The following OGFOD3 variants were observed in gnomAD, a reference collection of about 807,000 sequenced individuals.
The protein encoded by OGFOD3 is 2-oxoglutarate and iron dependent oxygenase domain containing 3.
A neutral mutation model predicts 39.8 loss-of-function variants in OGFOD3; 35 were observed. The ratio of observed to expected loss-of-function variants is 0.88; its 90% CI spans 0.67 to 1.17. The LOEUF (loss-of-function observed/expected upper bound fraction) is 1.17, where lower values mean the gene tolerates loss of function less well. Ranked by LOEUF, OGFOD3 falls within the 50% of genes most tolerant of loss-of-function variation. The pLI, the probability that OGFOD3 is intolerant of heterozygous loss-of-function variation, is 0.00. For synonymous variants in OGFOD3, 200 were observed against 192.0 expected (o/e 1.04, Z -0.34); for missense variants, 438 against 454.5 (o/e 0.96, Z 0.33).
rs1026816312 is a variant in OGFOD3 at position 82,415,999 on chromosome 17, C to T, written c.75-372G>A. 7.3e-5 allele frequency among the ~76,000 whole-genome samples: 11 copies of T among 151,636 alleles called. No homozygotes were observed. The highest frequency in any genetic ancestry group is 1.9e-4 in the African/African-American group (8 of 41,220). On this transcript the variant is annotated intron_variant, in intron 1 of 8. Coordinates refer to ENST00000313056, the MANE Select transcript of OGFOD3 (RefSeq NM_024648.3). This position sits in a 1 kb window ranked among gnomAD's most constrained non-coding sequence, Gnocchi z 5.3. Reference sequence around the variant, plus strand: ...ATCCCAGCACCTGGGGAGGCCAAGGCGGGCAGATCACCTGAGGTCAGGGTA... The same window carrying T: ...ATCCCAGCACCTGGGGAGGCCAAGGTGGGCAGATCACCTGAGGTCAGGGTA...
At chr17:82,409,553 A>T in intron 3 of OGFOD3, 143 bp from the exon 4 acceptor site, 1 of 747,568 alleles carries the variant, frequency 1.3e-6, no homozygotes, top group Non-Finnish European at 2.3e-6. Flanking sequence ...TGTTTAGACC[A>T]AAGGACTCAA....
chr17:82,415,325 C>T lies in OGFOD3; in HGVS notation c.304+73G>A, dbSNP rs1209528631. Reference sequence around the variant, plus strand: ...AAGCATACCACATCCAACCCAATTCCCACCCCTTCGTCGCAGCCAATGTCC... The same window carrying T: ...AAGCATACCACATCCAACCCAATTCTCACCCCTTCGTCGCAGCCAATGTCC... On this transcript the variant is annotated intron_variant, in intron 2 of 8. Transcript: ENST00000313056. The surrounding 1 kb of genome is among the most constrained non-coding windows in gnomAD (Gnocchi z 5.3). The T allele has an allele frequency of 2.1e-6, 3 of 1,450,862 alleles. No individual in the cohort carries two copies. Among genetic ancestry groups the T allele is most frequent in the African/African-American group, 1.4e-5 (1 of 71,962 alleles). The allele number at this position is 1,450,862 out of a possible 1,614,324, so 89.9% of individuals were successfully genotyped here. A position where few individuals can be genotyped will look rare whatever the true frequency, so the allele number is the denominator to read the frequency against.
chr17:82,405,557 G>A (rs1022821113), intron 5 of OGFOD3, among the ~76,000 whole-genome samples, 177 bp from the exon 6 acceptor site: 27 of 152,362 alleles, frequency 1.8e-4, no homozygotes, highest in Non-Finnish European at 3.4e-4. Context: ...GCTCACGCCT[G>A]TAATCCCAGC....
chr17:82,414,851 C>T (rs1267005959), intron 2 of OGFOD3, among the ~76,000 whole-genome samples: 1 of 152,212 alleles, frequency 6.6e-6, no homozygotes, highest in Non-Finnish European at 1.5e-5. Context: ...AGGAGGCCTA[C>T]AGGGGGTGTG....
chr17:82,406,597 T>TTCTTTG lies in OGFOD3; in HGVS notation c.424-116_424-115insCAAAGA. On this transcript the variant is annotated intron_variant, in intron 4 of 8. Coordinates refer to ENST00000313056, the MANE Select transcript of OGFOD3 (RefSeq NM_024648.3). The surrounding 1 kb of genome is among the most constrained non-coding windows in gnomAD (Gnocchi z 5.2). ...TCTGGCCAGCACACACCTCAGGTGT[T>TTCTTTG]TTTTTGTTTTTGTTTTTGTTTTTTG... 2 of 876,964 alleles carry TTCTTTG rather than the reference T, an allele frequency of 2.3e-6. No individual in the cohort carries two copies. The highest frequency in any genetic ancestry group is 2.6e-5 in the East Asian group (1 of 38,698). The allele number at this position is 876,964 out of a possible 1,614,324, so 54.3% of individuals were successfully genotyped here.
rs907893896 is a variant in OGFOD3 at position 82,392,743 on chromosome 17, G to T, written c.824-209C>A. The T allele has an allele frequency of 7.8e-6, 5 of 644,070 alleles. No individual in the cohort carries two copies. Among genetic ancestry groups the T allele is most frequent in the African/African-American group, 7.3e-5 (4 of 54,544 alleles). The allele number at this position is 644,070 out of a possible 1,614,324, so 39.9% of individuals were successfully genotyped here. On this transcript the variant is annotated intron_variant, in intron 8 of 8. Transcript: ENST00000313056. This position sits in a 1 kb window ranked among gnomAD's most constrained non-coding sequence, Gnocchi z 4.2. ...CAATGCTCAGGGGCCCTGTGGCGGA[G>T]GAGGGGCCCCCCGGGGCCAGCAGGG...
chr17:82,402,088 T>C (rs1200185764), intron 7 of OGFOD3, among the ~76,000 whole-genome samples: 2 of 152,126 alleles, frequency 1.3e-5, no homozygotes, highest in Non-Finnish European at 2.9e-5. Flanking sequence ...CCTTAAAGAA[T>C]TGCTATAATA....
chr17:82,405,262 CCA>C, intron 6 of OGFOD3, 60 bp downstream of exon 6: 1 of 1,459,448 alleles, frequency 6.9e-7, no homozygotes. Flanking sequence ...GCCAGCTCTG[CCA>C]CACCCCTCAG....
intron 1 of OGFOD3, 36 bp downstream of exon 1, chr17:82,418,376 C>T (rs961712807): frequency 1.4e-6 from 2 of 1,431,990 alleles, no homozygotes; most frequent in Non-Finnish European, 1.8e-6. Flanking sequence ...CCCTGTCCGC[C>T]GCCGCAGCGC....
At chr17:82,413,350 C>T (rs1424477487) in intron 2 of OGFOD3, among the ~76,000 whole-genome samples, 3 of 152,116 alleles carry the variant, frequency 2.0e-5, no homozygotes, top group Non-Finnish European at 2.9e-5. Flanking sequence ...CCATGACACA[C>T]GTGGCAACCA....
chr17:82,401,340 C>T (rs944102168), intron 7 of OGFOD3: 2 of 151,582 alleles, frequency 1.3e-5, no homozygotes, highest in African/African-American at 4.8e-5. Flanking sequence ...GACAGGGTTT[C>T]ACTGTGTTAG....
intron 7 of OGFOD3, among the ~76,000 whole-genome samples, chr17:82,401,803 CAAAA>C (rs79956747): frequency 4.9e-5 from 3 of 61,718 alleles, no homozygotes; most frequent in African/African-American, 8.3e-5. Context: ...GACTCCATCT[CAAAA>C]AAAAAAAAAA....
chr17:82,400,145 A>G (rs2052738796), intron 7 of OGFOD3, among the ~76,000 whole-genome samples: 1 of 152,114 alleles, frequency 6.6e-6, no homozygotes, highest in African/African-American at 2.4e-5. Context: ...TCCACCTCAC[A>G]TAATCCGCTG....
Position 82,392,695 on chromosome 17 carries a change from A to C in OGFOD3, c.824-161T>G. 1 of 864,918 alleles carries C rather than the reference A, an allele frequency of 1.2e-6. No individual in the cohort carries two copies. The highest frequency in any genetic ancestry group is 1.7e-6 in the Non-Finnish European group (1 of 577,454). 53.6% of individuals were successfully genotyped at this position (864,918 alleles called of 1,614,324 possible). On this transcript the variant is annotated intron_variant, in intron 8 of 8. Transcript: ENST00000313056. The surrounding 1 kb of genome is among the most constrained non-coding windows in gnomAD (Gnocchi z 4.2). ...TCTGGGAACTGCTTCTGCAGGAAGG[A>C]GGAGCTGGAGAAACAAACGCAGCAA... is the stretch of plus-strand genomic sequence containing the variant.
chr17:82,405,510 T>C, intron 5 of OGFOD3, 130 bp from the exon 6 acceptor site: 1 of 782,472 alleles, frequency 1.3e-6, no homozygotes, highest in Non-Finnish European at 2.2e-6. Flanking sequence ...ATTTCCACAA[T>C]GATAACTGCT....
chr17:82,397,735 C>A (rs1477453973), intron 8 of OGFOD3, among the ~76,000 whole-genome samples: 1 of 152,110 alleles, frequency 6.6e-6, no homozygotes, highest in Non-Finnish European at 1.5e-5. Flanking sequence ...GTGATGGGTT[C>A]TGAAGCCGGC....
chr17:82,404,027 C>A lies in OGFOD3; in HGVS notation c.609G>T (p.Leu203=). Residue 203 remains leucine (L), a synonymous_variant, in exon 7 of 9, where the codon CTG becomes CTT. Transcript: ENST00000313056. This position sits in a 1 kb window ranked among gnomAD's most constrained non-coding sequence, Gnocchi z 4.5. The stretch of plus-strand genomic sequence containing the variant: ...AGAAGAAGGTGGGCTTGGTCAGATG[C>A]AGCGAGGATGCGCTGATGCCAAAAG... ...AEAFGISASS[L]HLTKPTFFSR... is the part of the protein sequence containing the mutation. 1.2e-6 allele frequency: 2 copies of A among 1,610,764 alleles called. No individual in the cohort carries two copies. Among genetic ancestry groups the A allele is most frequent in the Non-Finnish European group, 1.7e-6 (2 of 1,178,710 alleles).
At chr17:82,418,346 C>T (rs1406817720) in intron 1 of OGFOD3, 66 bp downstream of exon 1, 18 of 957,776 alleles carry the variant, frequency 1.9e-5, no homozygotes, top group Admixed American at 1.3e-4. Context: ...CCATCAGCCC[C>T]AGTCCCGCCC....
chr17:82,404,154 C>T lies in OGFOD3; in HGVS notation c.546-64G>A, dbSNP rs144312331. On this transcript the variant is annotated intron_variant, in intron 6 of 8. Transcript: ENST00000313056. This position sits in a 1 kb window ranked among gnomAD's most constrained non-coding sequence, Gnocchi z 4.5. ...GGGAGGGGACGCTCGTGGGTCCCAA[C>T]CCGTGGGTGGCAGGAAAGGAACCAG... 2.3e-3 allele frequency: 3,341 copies of T among 1,473,568 alleles called. 9 individuals are homozygous for T. Among genetic ancestry groups the T allele is most frequent in the Middle Eastern group, 4.4e-3 (20 of 4,540 alleles). The allele number at this position is 1,473,568 out of a possible 1,614,324, so 91.3% of individuals were successfully genotyped here.
Sources: gnomAD v4.1 joint callset for allele counts (sites outside exome capture counted in the v4.1 genomes callset) on GRCh38, gnomAD v4.1.1 for gene constraint, Gnocchi (gnomAD v3.1) non-coding constraint, MANE v1.5 for transcripts, NCBI Gene and HGNC (gene_info 2026-07-23, HGNC 2026-07-21) for gene names.